SCGN: variants seen among roughly 807,000 people sequenced by gnomAD.
SCGN encodes secretagogin, EF-hand calcium binding protein.
SCGN carries 30 observed loss-of-function variants against 39.7 expected under a neutral mutation model. The ratio of observed to expected loss-of-function variants is 0.76; its 90% CI spans 0.57 to 1.03. The LOEUF is 1.03. SCGN is among the 50% of genes least tolerant of loss of function. The pLI is 0.00. For missense variants in SCGN, 353 were observed against 349.4 expected, an observed-to-expected ratio of 1.01 and a Z score of -0.08; for synonymous variants, 106 against 114.1, an observed-to-expected ratio of 0.93 and a Z score of 0.45.
Position 25,701,616 on chromosome 6 carries a change from C to G in SCGN, c.*281C>G, listed in dbSNP as rs1759914367. ...GTTAGATGGCTCTGCCTGTCCTTCC[C>G]CAGTCACCAGGGTGGGGGGGACAGG... On this transcript the variant is annotated 3_prime_UTR_variant, in exon 11 of 11. Transcript: ENST00000377961. The G allele has an allele frequency of 3.7e-6, 1 of 272,662 alleles. No homozygotes were observed. The highest frequency in any genetic ancestry group is 6.8e-6 in the Non-Finnish European group (1 of 146,776). 16.9% of individuals were successfully genotyped at this position (272,662 alleles called of 1,614,324 possible).
Position 25,670,013 on chromosome 6 carries a change from C to A in SCGN, c.408C>A (p.Asp136Glu), listed in dbSNP as rs755602961. Residue 136 changes from aspartate to glutamate, a missense_variant, in exon 6 of 11, where the codon GAC (aspartate) becomes GAA (glutamate). Physicochemically the swap from Asp to Glu is conservative, Grantham distance 45. Transcript: ENST00000377961. ...SAAELRNFLR[D>E]LFLHHKKAIS... ...TGGCGCCACAGAACTTCCTCCGAGACCTCTTTCTTCACCACAAAAAGGCCA... is the reference window on the plus strand; with the variant it reads ...TGGCGCCACAGAACTTCCTCCGAGAACTCTTTCTTCACCACAAAAAGGCCA... 3 of 1,613,496 alleles carry A rather than the reference C, an allele frequency of 1.9e-6. No homozygotes were observed. Among genetic ancestry groups the A allele is most frequent in the African/African-American group, 1.3e-5 (1 of 74,874 alleles).
At chr6:25,662,432 G>A (rs1760352692) in intron 3 of SCGN, among the ~76,000 whole-genome samples, 1 of 152,150 alleles carries the variant, frequency 6.6e-6, no homozygotes, top group Non-Finnish European at 1.5e-5. Context: ...TTCATACTAT[G>A]TAGCTATAAA....
chr6:25,674,984 A>G (rs1478456654), intron 6 of SCGN, among the ~76,000 whole-genome samples: 1 of 152,212 alleles, frequency 6.6e-6, no homozygotes, highest in Non-Finnish European at 1.5e-5. Context: ...GAACTTTTAT[A>G]AAACAACAAA....
intron 10 of SCGN, among the ~76,000 whole-genome samples, chr6:25,697,007 G>T (rs1759847556): frequency 6.6e-6 from 1 of 152,182 alleles, no homozygotes; most frequent in African/African-American, 2.4e-5. Flanking sequence ...GCGATGGGAA[G>T]AAAGTTGAAA....
intron 4 of SCGN, among the ~76,000 whole-genome samples, chr6:25,668,085 A>G (rs1157258084): frequency 6.6e-6 from 1 of 152,236 alleles, no homozygotes; most frequent in African/African-American, 2.4e-5. Context: ...ACACAGCATC[A>G]GTATCAACAC....
intron 4 of SCGN, among the ~76,000 whole-genome samples, chr6:25,665,721 G>A (rs371238175): frequency 6.6e-6 from 1 of 152,208 alleles, no homozygotes; most frequent in Non-Finnish European, 1.5e-5. Flanking sequence ...ACTGGAAATA[G>A]TTACCATGTC....
chr6:25,689,070 C>A, intron 7 of SCGN, 102 bp from the exon 8 acceptor site: 1 of 713,946 alleles, frequency 1.4e-6, no homozygotes, highest in Non-Finnish European at 2.3e-6. Context: ...CTATTCTGTT[C>A]TGCAGGAAAT....
intron 4 of SCGN, among the ~76,000 whole-genome samples, chr6:25,668,417 T>G (rs1224135635): frequency 6.6e-6 from 1 of 152,226 alleles, no homozygotes; most frequent in Non-Finnish European, 1.5e-5. Flanking sequence ...GCTGGATGAA[T>G]GCTGGCCTCA....
At chr6:25,692,221 T>A (rs1192255055) in intron 10 of SCGN, among the ~76,000 whole-genome samples, 1 of 152,264 alleles carries the variant, frequency 6.6e-6, no homozygotes, top group African/African-American at 2.4e-5. Context: ...ATTTCACTCA[T>A]TATCTATTTA....
In SCGN at chr6:25,701,317, G is replaced by A. The variant is rs750750035; in HGVS notation, c.813G>A (p.Gly271=). ...AGTCTGAGCTGGCTTTGTGTCTTGG[G>A]CTGAAAATCAACCCATAATCCCAGA... ...IQKSELALCL[G]LKINP The change falls in exon 11 of 11, where the codon GGG becomes GGA. Residue 271 remains glycine (G), a synonymous_variant. Transcript: ENST00000377961. 1.2e-6 allele frequency: 2 copies of A among 1,612,386 alleles called. No individual in the cohort carries two copies. The highest frequency in any genetic ancestry group is 8.5e-7 in the Non-Finnish European group (1 of 1,179,328).
In SCGN at chr6:25,664,948, T is replaced by C. The variant is rs1200319685; in HGVS notation, c.252T>C (p.Ala84=). ...KDGRIRMKEL[A]GMFLSEDENF... ...TATTCTTTCTGTTCCTTCAGCTTGC[T>C]GGTATGTTCTTATCTGAGGATGAAA... Residue 84 remains alanine (A), a synonymous_variant, in exon 4 of 11, where the codon GCT becomes GCC. Coordinates refer to ENST00000377961, the MANE Select transcript of SCGN (RefSeq NM_006998.4). The C allele has an allele frequency of 1.2e-6, 2 of 1,613,180 alleles. No homozygotes were observed. Among genetic ancestry groups the C allele is most frequent in the African/African-American group, 2.7e-5 (2 of 74,888 alleles).
chr6:25,662,966 G>C (rs1198873599), intron 3 of SCGN, among the ~76,000 whole-genome samples: 1 of 152,164 alleles, frequency 6.6e-6, no homozygotes, highest in Non-Finnish European at 1.5e-5. Flanking sequence ...GAAAAACATA[G>C]CAAATAACTG....
intron 6 of SCGN, among the ~76,000 whole-genome samples, chr6:25,671,489 C>T (rs936581092): frequency 6.6e-6 from 1 of 152,136 alleles, no homozygotes; most frequent in Non-Finnish European, 1.5e-5. Context: ...TGTAATTGGC[C>T]TAGACAGGAG....
At chr6:25,700,020 C>T (rs1252555677) in intron 10 of SCGN, among the ~76,000 whole-genome samples, 3 of 151,804 alleles carry the variant, frequency 2.0e-5, no homozygotes, top group Admixed American at 6.6e-5. Flanking sequence ...CCAAGGTGGG[C>T]GGATCACCAG....
At chr6:25,693,451 C>CA (rs11376402) in intron 10 of SCGN, among the ~76,000 whole-genome samples, 16,418 of 47,006 alleles carry the variant, frequency 0.35, 2,811 homozygotes, top group Non-Finnish European at 0.38. Context: ...GACTCCGTCT[C>CA]AAAAAAAAAA....
intron 3 of SCGN, 118 bp downstream of exon 3, chr6:25,661,762 G>T: frequency 3.1e-6 from 2 of 653,780 alleles, no homozygotes; most frequent in Non-Finnish European, 5.1e-6. Flanking sequence ...CATTTGATCA[G>T]GAAATTAGAG....
chr6:25,668,277 A>G (rs992887051), intron 4 of SCGN, among the ~76,000 whole-genome samples: 10 of 152,182 alleles, frequency 6.6e-5, no homozygotes, highest in Admixed American at 5.2e-4. Context: ...GAGCTTGCCA[A>G]TTGATGTGAG....
chr6:25,661,384 A>G (rs940328448), intron 2 of SCGN, among the ~76,000 whole-genome samples, 168 bp from the exon 3 acceptor site: 2 of 152,198 alleles, frequency 1.3e-5, no homozygotes, highest in Admixed American at 1.3e-4. Context: ...AATCTCCAGC[A>G]TTGCTCTCTC....
chr6:25,701,425 G>T lies in SCGN; in HGVS notation c.*90G>T. 9.4e-6 allele frequency: 14 copies of T among 1,496,972 alleles called. No individual in the cohort carries two copies. Among genetic ancestry groups the T allele is most frequent in the Non-Finnish European group, 1.2e-5 (13 of 1,106,270 alleles). 92.7% of individuals were successfully genotyped at this position (1,496,972 alleles called of 1,614,324 possible). A position where few individuals can be genotyped will look rare whatever the true frequency, so the allele number is the denominator to read the frequency against. ...GTGCATTGATGTTGGGAACACAGTG[G>T]GCAAACTCACAAATGGTGTGCTATT... On this transcript the variant is annotated 3_prime_UTR_variant, in exon 11 of 11. Transcript: ENST00000377961.
Sources: gnomAD v4.1 joint callset for allele counts (sites outside exome capture counted in the v4.1 genomes callset) on GRCh38, gnomAD v4.1.1 for gene constraint, MANE v1.5 for transcripts, NCBI Gene and HGNC (gene_info 2026-07-23, HGNC 2026-07-21) for gene names.